CHST9: variants seen among roughly 807,000 people sequenced by gnomAD.
CHST9 encodes carbohydrate sulfotransferase 9.
In CHST9, 41 loss-of-function variants were observed where a neutral mutation model predicts 44.4. The ratio of observed to expected loss-of-function variants is 0.92; its 90% CI spans 0.72 to 1.20. The LOEUF (loss-of-function observed/expected upper bound fraction) is 1.20. Ranked by LOEUF, CHST9 falls within the 50% of genes most tolerant of loss-of-function variation. The pLI is 0.00. For synonymous variants in CHST9, 171 were observed against 178.4 expected, an observed-to-expected ratio of 0.96 and a Z score of 0.33; for missense variants, 504 against 516.5, an observed-to-expected ratio of 0.98 and a Z score of 0.23.
chr18:27,027,274 T>C (rs1290314956), intron 3 of CHST9, among the ~76,000 whole-genome samples: 2 of 152,250 alleles, frequency 1.3e-5, no homozygotes, highest in Non-Finnish European at 2.9e-5. Context: ...GGCAGTTTGT[T>C]GTTAAAGTTG....
At chr18:27,054,030 G>T (rs369749720) in intron 2 of CHST9, among the ~76,000 whole-genome samples, 41 of 152,228 alleles carry the variant, frequency 2.7e-4, no homozygotes, top group African/African-American at 8.9e-4. Flanking sequence ...TTGTTTTCCT[G>T]ACTGGATGGT....
At chr18:27,056,861 C>T (rs1015938626) in intron 2 of CHST9, among the ~76,000 whole-genome samples, 2 of 152,200 alleles carry the variant, frequency 1.3e-5, no homozygotes, top group African/African-American at 4.8e-5. Context: ...GAAAAAGGGG[C>T]TTCCCATTTT....
In CHST9 at chr18:26,915,729, T is replaced by C. The variant is rs889185504; in HGVS notation, c.*530A>G. 1.3e-5 allele frequency: 2 copies of C among 152,322 alleles called. No individual in the cohort carries two copies. The highest frequency in any genetic ancestry group is 6.6e-5 in the Admixed American group (1 of 15,256). 9.4% of individuals were successfully genotyped at this position (152,322 alleles called of 1,614,324 possible). A position where few individuals can be genotyped will look rare whatever the true frequency, so the allele number is the denominator to read the frequency against. ...TTCTGCTATATTCTCATATTGTAAA[T>C]CACATAATGCCTTCCAATCTAAAGT... On this transcript the variant is annotated 3_prime_UTR_variant, in exon 6 of 6. Transcript: ENST00000618847.
At chr18:27,053,347 AGC>A (rs2057611755) in intron 2 of CHST9, among the ~76,000 whole-genome samples, 2 of 117,568 alleles carry the variant, frequency 1.7e-5, no homozygotes, top group Admixed American at 1.6e-4. Context: ...AAAAAAAAAA[AGC>A]AATAATTATA....
intron 1 of CHST9, among the ~76,000 whole-genome samples, chr18:27,163,498 C>A (rs879480052): frequency 1.3e-5 from 2 of 152,226 alleles, no homozygotes; most frequent in Non-Finnish European, 2.9e-5. Flanking sequence ...TTTACCTACT[C>A]AAGCCTCCGC....
intron 5 of CHST9, chr18:26,936,348 A>G (rs2055991806): frequency 6.6e-6 from 1 of 152,140 alleles, no homozygotes; most frequent in Non-Finnish European, 1.5e-5. Flanking sequence ...AATAGCATGG[A>G]TAAAATGGTT....
intron 4 of CHST9, among the ~76,000 whole-genome samples, chr18:26,998,458 G>C (rs2056910747): frequency 6.6e-6 from 1 of 152,234 alleles, no homozygotes. Flanking sequence ...GGGTGCGATG[G>C]CTCATGCCTA....
chr18:26,925,096 G>A (rs139006530), intron 5 of CHST9, among the ~76,000 whole-genome samples: 387 of 152,176 alleles, frequency 2.5e-3, no homozygotes, highest in South Asian at 6.8e-3. Context: ...CTTATGGGAG[G>A]TAATGAGATG....
chr18:27,051,713 C>T (rs1160047611), intron 2 of CHST9, among the ~76,000 whole-genome samples: 1 of 152,190 alleles, frequency 6.6e-6, no homozygotes, highest in African/African-American at 2.4e-5. Context: ...AAACCAGAAC[C>T]ATCCAGTTGG....
chr18:27,033,789 T>C (rs898103244), intron 3 of CHST9, among the ~76,000 whole-genome samples: 1 of 152,206 alleles, frequency 6.6e-6, no homozygotes, highest in African/African-American at 2.4e-5. Flanking sequence ...CCAGAGCACA[T>C]GGCCTCAGGT....
At chr18:27,103,405 G>A (rs1212441405) in intron 2 of CHST9, among the ~76,000 whole-genome samples, 6 of 152,146 alleles carry the variant, frequency 3.9e-5, no homozygotes, top group African/African-American at 1.4e-4. Flanking sequence ...CCTCATCCCT[G>A]GCCTCAAGGT....
intron 2 of CHST9, among the ~76,000 whole-genome samples, chr18:27,059,911 T>A (rs1301770552): frequency 6.6e-6 from 1 of 152,224 alleles, no homozygotes; most frequent in Non-Finnish European, 1.5e-5. Context: ...GAAGAAAACA[T>A]GAAAAGTATG....
chr18:27,067,528 A>C (rs1314680626), intron 2 of CHST9, among the ~76,000 whole-genome samples: 1 of 152,188 alleles, frequency 6.6e-6, no homozygotes, highest in Non-Finnish European at 1.5e-5. Flanking sequence ...CAATTCTGTC[A>C]ATTTTAATGG....
At chr18:26,946,426 G>A (rs941357699) in intron 4 of CHST9, among the ~76,000 whole-genome samples, 2 of 152,168 alleles carry the variant, frequency 1.3e-5, no homozygotes, top group African/African-American at 4.8e-5. Flanking sequence ...GTGTGGAGAG[G>A]TGAGCAGGGC....
intron 3 of CHST9, among the ~76,000 whole-genome samples, chr18:27,045,039 G>T (rs1369755282): frequency 1.4e-5 from 2 of 143,570 alleles, no homozygotes; most frequent in African/African-American, 2.6e-5. Flanking sequence ...TTCACCTTTT[G>T]AGTTGAGAAA....
chr18:27,142,776 G>C lies in CHST9; in HGVS notation c.34C>G (p.Gln12Glu). Residue 12 changes from glutamine to glutamate, a missense_variant, in exon 2 of 6, where the codon CAA (glutamine) becomes GAA (glutamate). Gln to Glu is a conservative substitution (Grantham distance 29). Coordinates refer to ENST00000618847, the MANE Select transcript of CHST9 (RefSeq NM_031422.6). ...AATATCAGCACAGAGAGGAAGACTT[G>C]TTTGGGGTTCATGACCATTTCAGAT... The part of the protein sequence containing the change: ...QPSEMVMNPK[Q>E]VFLSVLIFGV... The C allele has an allele frequency of 1.2e-6, 2 of 1,611,476 alleles. No individual in the cohort carries two copies. Among genetic ancestry groups the C allele is most frequent in the Non-Finnish European group, 1.7e-6 (2 of 1,178,732 alleles).
At chr18:27,171,558 TAAAACTG>T (rs2058833851) in intron 1 of CHST9, among the ~76,000 whole-genome samples, 2 of 152,194 alleles carry the variant, frequency 1.3e-5, no homozygotes, top group African/African-American at 4.8e-5. Context: ...TAGTATACAG[TAAAACTG>T]ACTTGGTGGG....
At chr18:27,173,595 TCCTAC>T (rs1219980738) in intron 1 of CHST9, among the ~76,000 whole-genome samples, 3 of 152,086 alleles carry the variant, frequency 2.0e-5, no homozygotes, top group Non-Finnish European at 4.4e-5. Flanking sequence ...ATGTATTGTC[TCCTAC>T]ATTGCCTGAA....
chr18:27,078,459 C>T (rs973894393), intron 2 of CHST9, among the ~76,000 whole-genome samples: 1 of 151,890 alleles, frequency 6.6e-6, no homozygotes, highest in African/African-American at 2.4e-5. Flanking sequence ...GAAGTATATA[C>T]ATGTGTATGT....
Sources: gnomAD v4.1 joint callset for allele counts (sites outside exome capture counted in the v4.1 genomes callset) on GRCh38, gnomAD v4.1.1 for gene constraint, MANE v1.5 for transcripts, NCBI Gene and HGNC (gene_info 2026-07-23, HGNC 2026-07-21) for gene names.